The following BTBD18 variants were observed in gnomAD, a reference collection of about 807,000 sequenced individuals.
BTBD18 encodes the protein BTB domain containing 18.
For synonymous variants in BTBD18, 311 were observed against 324.4 expected (o/e 0.96, Z 0.44); for missense variants, 787 against 846.3 (o/e 0.93, Z 0.87).
At chr11:57,749,092 C>A (rs1269614122) in intron 2 of BTBD18, among the ~76,000 whole-genome samples, 1 of 152,176 alleles carries the variant, frequency 6.6e-6, no homozygotes, top group Non-Finnish European at 1.5e-5. Flanking sequence ...GTTCCCTAAC[C>A]CTTGTCTCCC....
chr11:57,746,281 A>G, intron 2 of BTBD18, 133 bp from the exon 3 acceptor site: 1 of 706,386 alleles, frequency 1.4e-6, no homozygotes, highest in East Asian at 2.9e-5. Context: ...AAAGAAAAAA[A>G]TTATTCTTCT....
chr11:57,750,231 T>TAG (rs1949279015), intron 2 of BTBD18, among the ~76,000 whole-genome samples: 1 of 151,398 alleles, frequency 6.6e-6, no homozygotes, highest in Non-Finnish European at 1.5e-5. Flanking sequence ...CAAAAAATTT[T>TAG]CCGGGTGTGG....
chr11:57,744,524 T>G lies in BTBD18; in HGVS notation c.1749A>C (p.Glu583Asp), dbSNP rs970341531. The G allele has an allele frequency of 1.7e-5, 27 of 1,551,524 alleles. No homozygotes were observed. The highest frequency in any genetic ancestry group is 5.2e-6 in the Non-Finnish European group (6 of 1,146,966). Residue 583 changes from glutamate to aspartate, a missense_variant, in exon 3 of 3, where the codon GAA becomes GAC. Coordinates refer to ENST00000422652, the MANE Select transcript of BTBD18 (RefSeq NM_001145101.3). Reference protein sequence around the residue: ...SPLVMPSEVSEVLSVGGRWTP... With the variant: ...SPLVMPSEVSDVLSVGGRWTP... ...TCCAACGGCCTCCTACTGAAAGCACTTCACTCACCTCAGAGGGCATGACAA... is the reference window on the plus strand; with the variant it reads ...TCCAACGGCCTCCTACTGAAAGCACGTCACTCACCTCAGAGGGCATGACAA...
At chr11:57,752,803 A>AGG (rs1244738962), upstream of BTBD18, among the ~76,000 whole-genome samples, 21 of 152,366 alleles carry the variant, frequency 1.4e-4, no homozygotes, top group African/African-American at 5.0e-4. Flanking sequence ...CTCCCCATCC[A>AGG]GAAGCAAGGG....
chr11:57,747,175 A>G (rs970868730), intron 2 of BTBD18, among the ~76,000 whole-genome samples: 2 of 152,206 alleles, frequency 1.3e-5, no homozygotes, highest in African/African-American at 4.8e-5. Flanking sequence ...CACCTCATTT[A>G]ATGGGTACTT....
Position 57,745,317 on chromosome 11 carries a change from G to C in BTBD18, c.956C>G (p.Pro319Arg). Residue 319 changes from proline (P) to arginine (R), a missense_variant, in exon 3 of 3, where the codon CCT becomes CGT. Transcript: ENST00000422652. ...AGATGGGTTTGGGGTGCTCTGCAGA[G>C]GACTAGCTCTGCCTGGTTTTGGCTT... ...EDKPKPGRASPLQSTPNPSGL... is the reference protein window; with the variant it reads ...EDKPKPGRASRLQSTPNPSGL... The C allele has an allele frequency of 6.4e-7, 1 of 1,551,696 alleles. No homozygotes were observed. Among genetic ancestry groups the C allele is most frequent in the Non-Finnish European group, 8.7e-7 (1 of 1,146,986 alleles).
upstream of BTBD18, among the ~76,000 whole-genome samples, chr11:57,752,005 A>G (rs1434144247): frequency 6.6e-6 from 1 of 152,166 alleles, no homozygotes; most frequent in Non-Finnish European, 1.5e-5. Context: ...TTACGTTTGT[A>G]TAGTTAATTA....
At chr11:57,747,701 G>A (rs1949223933) in intron 2 of BTBD18, among the ~76,000 whole-genome samples, 1 of 152,132 alleles carries the variant, frequency 6.6e-6, no homozygotes, top group African/African-American at 2.4e-5. Flanking sequence ...GTTTCACCAT[G>A]TTGGCCAGGC....
At chr11:57,746,520 G>A (rs1375261998) in intron 2 of BTBD18, among the ~76,000 whole-genome samples, 1 of 151,956 alleles carries the variant, frequency 6.6e-6, no homozygotes. Context: ...AGTAGAGACG[G>A]GGTTTCACCT....
At chr11:57,750,906 A>G (rs538178507) in intron 2 of BTBD18, among the ~76,000 whole-genome samples, 159 bp downstream of exon 2, 3 of 152,388 alleles carry the variant, frequency 2.0e-5, no homozygotes, top group Non-Finnish European at 1.5e-5. Flanking sequence ...TCTTGAAAAC[A>G]GTAGTAATTG....
Position 57,745,626 on chromosome 11 carries a change from G to C in BTBD18, c.647C>G (p.Thr216Ser). Residue 216 changes from threonine to serine, a missense_variant, in exon 3 of 3, where the codon ACT becomes AGT. By Grantham distance (58) the Thr-to-Ser change is moderately conservative (BLOSUM62 1). Coordinates refer to ENST00000422652, the MANE Select transcript of BTBD18 (RefSeq NM_001145101.3). ...LLKRKARACP[T>S]PQEKNSSPSS... Reference sequence around the variant, plus strand: ...TGGTGAAGAGTTTTTTTCTTGTGGAGTTGGGCAGGCTCTGGCCTTCCTCTT... The same window carrying C: ...TGGTGAAGAGTTTTTTTCTTGTGGACTTGGGCAGGCTCTGGCCTTCCTCTT... 1 of 1,551,662 alleles carries C rather than the reference G, an allele frequency of 6.4e-7. No homozygotes were observed. The highest frequency in any genetic ancestry group is 8.7e-7 in the Non-Finnish European group (1 of 1,146,978).
In BTBD18 at chr11:57,745,652, GAGC is replaced by G; in HGVS notation, c.618_620del (p.Leu207del). On this transcript the variant is annotated inframe_deletion, in exon 3 of 3. Transcript: ENST00000422652. ...TTGGGCAGGCTCTGGCCTTCCTCTT[GAGC>G]AGAAGAGTGCCAGACAAATTGTCTG... 6.4e-7 allele frequency: 1 copy of G among 1,551,624 alleles called. No homozygotes were observed. Among genetic ancestry groups the G allele is most frequent in the Non-Finnish European group, 8.7e-7 (1 of 1,146,972 alleles).
At chr11:57,748,980 A>C (rs942990259) in intron 2 of BTBD18, among the ~76,000 whole-genome samples, 2 of 152,172 alleles carry the variant, frequency 1.3e-5, no homozygotes, top group Non-Finnish European at 2.9e-5. Context: ...CCGTGGTCAC[A>C]TCTCTGAACC....
intron 2 of BTBD18, among the ~76,000 whole-genome samples, chr11:57,750,358 CAGAG>C (rs894395808): frequency 1.3e-5 from 2 of 150,632 alleles, no homozygotes; most frequent in Non-Finnish European, 3.0e-5. Context: ...GCCTGGGAGA[CAGAG>C]AGAGACTCTG....
In BTBD18 at chr11:57,749,267, C is replaced by A. The variant is rs76313963; in HGVS notation, c.124+1798G>T. Among the ~76,000 whole-genome samples the A allele has an allele frequency of 7.1e-3, 1,080 of 152,202 alleles. 9 individuals are homozygous for A. The highest frequency in any genetic ancestry group is 0.012 in the Non-Finnish European group (816 of 68,024). On this transcript the variant is annotated intron_variant, in intron 2 of 2. Coordinates refer to ENST00000422652, the MANE Select transcript of BTBD18 (RefSeq NM_001145101.3). Reference sequence around the variant, plus strand: ...TTAAGAAGAGGAACTTTTGTATGACCACGGTAGCAGTGTTTAGCATACAAC... The same window carrying A: ...TTAAGAAGAGGAACTTTTGTATGACAACGGTAGCAGTGTTTAGCATACAAC...
rs571282041 is a variant in BTBD18 at position 57,745,631 on chromosome 11, G to A, written c.642C>T (p.Cys214=). Residue 214 remains cysteine, a synonymous_variant, in exon 3 of 3, where the codon TGC becomes TGT. Coordinates refer to ENST00000422652, the MANE Select transcript of BTBD18 (RefSeq NM_001145101.3). Reference sequence around the variant, plus strand: ...AAGAGTTTTTTTCTTGTGGAGTTGGGCAGGCTCTGGCCTTCCTCTTGAGCA... The same window carrying A: ...AAGAGTTTTTTTCTTGTGGAGTTGGACAGGCTCTGGCCTTCCTCTTGAGCA... ...TLLLKRKARA[C]PTPQEKNSSP... is the part of the protein sequence containing the mutation. 27 of 1,551,658 alleles carry A rather than the reference G, an allele frequency of 1.7e-5. No individual in the cohort carries two copies. The South Asian group carries it at 2.7e-4, about 16-fold the overall frequency.
At chr11:57,752,379 C>G (rs947742317), upstream of BTBD18, among the ~76,000 whole-genome samples, 2 of 152,022 alleles carry the variant, frequency 1.3e-5, no homozygotes, top group African/African-American at 2.4e-5. Context: ...TACAAAAATA[C>G]GAAAATTAGC....
chr11:57,747,749 T>C (rs1246543221), intron 2 of BTBD18, among the ~76,000 whole-genome samples: 1 of 152,094 alleles, frequency 6.6e-6, no homozygotes, highest in Non-Finnish European at 1.5e-5. Context: ...TCCACCTGCC[T>C]CGGCCTCCAA....
rs374727411 is a variant in BTBD18, at chr11:57,744,434, G to A, written c.1839C>T (p.Val613=). 1.3e-6 allele frequency: 2 copies of A among 1,551,688 alleles called. No individual in the cohort carries two copies. Among genetic ancestry groups the A allele is most frequent in the East Asian group, 2.4e-5 (1 of 40,916 alleles). The change falls in exon 3 of 3, where the codon GTC becomes GTT. Residue 613 remains valine (V), a synonymous_variant. Coordinates refer to ENST00000422652, the MANE Select transcript of BTBD18 (RefSeq NM_001145101.3). The part of the protein sequence containing the change: ...LDGQEDKLLH[V]SSLDTPQRSY... Reference sequence around the variant, plus strand: ...ACCTCTGGGGAGTATCAAGGGAGCTGACATGGAGAAGTTTGTCTTCCTGAC... The same window carrying A: ...ACCTCTGGGGAGTATCAAGGGAGCTAACATGGAGAAGTTTGTCTTCCTGAC...
Sources: gnomAD v4.1 joint callset for allele counts (sites outside exome capture counted in the v4.1 genomes callset) on GRCh38, gnomAD v4.1.1 for gene constraint, MANE v1.5 for transcripts, NCBI Gene and HGNC (gene_info 2026-07-23, HGNC 2026-07-21) for gene names.